Variants in HACD2 observed in about 807,000 individuals in gnomAD.
HACD2 encodes the protein very-long-chain (3R)-3-hydroxyacyl-CoA dehydratase 2.
In HACD2, 15 loss-of-function variants were observed where a neutral mutation model predicts 31.0. That is an observed-to-expected ratio of 0.48 (90% CI 0.32 to 0.75). The LOEUF (loss-of-function observed/expected upper bound fraction) is 0.75. HACD2 is among the 30% of genes least tolerant of loss of function. The pLI is 0.03. For missense variants in HACD2, 283 were observed against 313.0 expected (o/e 0.90, Z 0.72); for synonymous variants, 115 against 122.2 (o/e 0.94, Z 0.39).
chr3:123,496,774 G>A (rs2055838344), intron 6 of HACD2, among the ~76,000 whole-genome samples: 1 of 152,224 alleles, frequency 6.6e-6, no homozygotes, highest in Non-Finnish European at 1.5e-5. Context: ...TCTGTGAGCT[G>A]GGCATGCACA....
intron 2 of HACD2, among the ~76,000 whole-genome samples, chr3:123,572,186 C>T (rs2056862075): frequency 6.6e-6 from 1 of 152,144 alleles, no homozygotes; most frequent in Admixed American, 6.5e-5. Flanking sequence ...ATTTAGATGA[C>T]TTGCCATATT....
At chr3:123,514,464 G>T (rs1053139817) in intron 4 of HACD2, among the ~76,000 whole-genome samples, 7 of 152,068 alleles carry the variant, frequency 4.6e-5, no homozygotes, top group African/African-American at 1.7e-4. Context: ...CCACTCCGGG[G>T]GTACAATGAG....
intron 3 of HACD2, among the ~76,000 whole-genome samples, chr3:123,566,218 C>T (rs2056790299): frequency 6.6e-6 from 1 of 152,148 alleles, no homozygotes; most frequent in African/African-American, 2.4e-5. Flanking sequence ...TTGAGGGGGT[C>T]CCTGGACTCT....
intron 4 of HACD2, among the ~76,000 whole-genome samples, chr3:123,512,159 T>C (rs976566997): frequency 1.2e-4 from 19 of 152,326 alleles, no homozygotes; most frequent in African/African-American, 3.6e-4. Flanking sequence ...ATGAGCCCTG[T>C]TTATTTCTGG....
chr3:123,581,564 G>A (rs999886898), intron 2 of HACD2, among the ~76,000 whole-genome samples: 2 of 152,168 alleles, frequency 1.3e-5, no homozygotes, highest in South Asian at 2.1e-4. Flanking sequence ...GAAAGCAAGA[G>A]AATCTGGCAG....
intron 4 of HACD2, among the ~76,000 whole-genome samples, chr3:123,515,989 A>G (rs113724807): frequency 0.025 from 3,746 of 152,182 alleles, 66 homozygotes; most frequent in Middle Eastern, 0.088. Context: ...CAAACTCCTG[A>G]TCTTAAGTGA....
intron 3 of HACD2, among the ~76,000 whole-genome samples, chr3:123,530,788 A>C (rs1411458211): frequency 6.6e-6 from 1 of 151,732 alleles, no homozygotes; most frequent in Non-Finnish European, 1.5e-5. Flanking sequence ...CTAAGCTCAC[A>C]CAATTCTCCT....
At chr3:123,584,690 G>A in intron 1 of HACD2, 183 bp downstream of exon 1, 2 of 427,172 alleles carry the variant, frequency 4.7e-6, no homozygotes, top group Non-Finnish European at 8.1e-6. Context: ...GAGCTCGCGG[G>A]CAGCCACCGG....
At chr3:123,530,807 CT>C (rs1017720509) in intron 3 of HACD2, among the ~76,000 whole-genome samples, 5 of 152,160 alleles carry the variant, frequency 3.3e-5, no homozygotes, top group Non-Finnish European at 7.3e-5. Context: ...CTGCCTTGGC[CT>C]CCCAAAATGC....
intron 4 of HACD2, among the ~76,000 whole-genome samples, chr3:123,509,181 T>G (rs1051788489): frequency 6.6e-6 from 1 of 152,116 alleles, no homozygotes; most frequent in Non-Finnish European, 1.5e-5. Flanking sequence ...CACATGTGGC[T>G]GTTGTAATAT....
chr3:123,515,496 C>T (rs1452018344), intron 4 of HACD2, among the ~76,000 whole-genome samples: 5 of 152,098 alleles, frequency 3.3e-5, no homozygotes, highest in Admixed American at 2.6e-4. Context: ...CTGGAACAGC[C>T]TTGGGTGGGA....
At chr3:123,575,886 C>A (rs2056902885) in intron 2 of HACD2, among the ~76,000 whole-genome samples, 1 of 152,150 alleles carries the variant, frequency 6.6e-6, no homozygotes, top group African/African-American at 2.4e-5. Flanking sequence ...CTCTCACTAA[C>A]CATAGTGAGG....
intron 3 of HACD2, among the ~76,000 whole-genome samples, chr3:123,559,110 T>C (rs1191487071): frequency 6.6e-6 from 1 of 152,174 alleles, no homozygotes; most frequent in Non-Finnish European, 1.5e-5. Flanking sequence ...TAGAAAAACA[T>C]CCATTTCTAT....
intron 3 of HACD2, among the ~76,000 whole-genome samples, chr3:123,536,329 G>T (rs1216551320): frequency 2.6e-5 from 4 of 152,206 alleles, no homozygotes; most frequent in Non-Finnish European, 4.4e-5. Flanking sequence ...CAGGCAGGGA[G>T]AATTTGGTAA....
intron 3 of HACD2, among the ~76,000 whole-genome samples, chr3:123,532,620 C>A (rs1450998701): frequency 6.6e-6 from 1 of 151,968 alleles, no homozygotes; most frequent in Non-Finnish European, 1.5e-5. Flanking sequence ...CACCTGAGGT[C>A]CGGAGTTTGA....
intron 2 of HACD2, among the ~76,000 whole-genome samples, chr3:123,581,839 C>G (rs78456557): frequency 0.058 from 8,778 of 152,204 alleles, 369 homozygotes; most frequent in Non-Finnish European, 0.091. Context: ...ATTATGTCTT[C>G]TATCTATCAC....
At chr3:123,553,450 T>C (rs548989793) in intron 3 of HACD2, among the ~76,000 whole-genome samples, 1 of 152,362 alleles carries the variant, frequency 6.6e-6, no homozygotes, top group Non-Finnish European at 1.5e-5. Flanking sequence ...GAGAATACTA[T>C]GCCCACAGCC....
chr3:123,500,776 C>T, intron 5 of HACD2, 83 bp from the exon 6 acceptor site: 3 of 770,470 alleles, frequency 3.9e-6, no homozygotes, highest in East Asian at 2.7e-5. Flanking sequence ...CTAATCAGTA[C>T]TGGTCTTTTA....
At chr3:123,542,020 G>A (rs1040573000) in intron 3 of HACD2, among the ~76,000 whole-genome samples, 2 of 149,988 alleles carry the variant, frequency 1.3e-5, no homozygotes, top group East Asian at 1.9e-4. Flanking sequence ...AGTGGCGGGC[G>A]CCTGTAGTCC....
Sources: gnomAD v4.1 joint callset for allele counts (sites outside exome capture counted in the v4.1 genomes callset) on GRCh38, gnomAD v4.1.1 for gene constraint, MANE v1.5 for transcripts, NCBI Gene and HGNC (gene_info 2026-07-23, HGNC 2026-07-21) for gene names.